SVOP: variants seen among roughly 807,000 people sequenced by gnomAD.
SVOP encodes the protein synaptic vesicle 2-related protein.
In SVOP, 17 loss-of-function variants were observed where a neutral mutation model predicts 69.1. That is an observed-to-expected ratio of 0.25 (90% CI 0.17 to 0.37). The LOEUF is 0.37. Among genes scored for constraint, SVOP ranks in the 10% least tolerant of loss-of-function variants. The probability of loss-of-function intolerance (pLI) is 1.00; values close to 1 mark genes in which losing one functional copy is unlikely to be tolerated. For missense variants in SVOP, 435 were observed against 597.5 expected (o/e 0.73, Z 2.84); for synonymous variants, 238 against 238.6 (o/e 1.00, Z 0.02).
At chr12:108,971,384 G>A (rs1438557081) in intron 5 of SVOP, among the ~76,000 whole-genome samples, 13 of 151,070 alleles carry the variant, frequency 8.6e-5, no homozygotes, top group Admixed American at 5.3e-4. Context: ...AGCCAAGATC[G>A]TGCGATTGCA....
At chr12:108,927,833 T>C (rs1161978149) in intron 11 of SVOP, among the ~76,000 whole-genome samples, 1 of 151,926 alleles carries the variant, frequency 6.6e-6, no homozygotes, top group Non-Finnish European at 1.5e-5. Context: ...TGAGCTCAAG[T>C]GATTCACCTG....
intron 11 of SVOP, among the ~76,000 whole-genome samples, chr12:108,931,279 C>T (rs187501097): frequency 2.0e-5 from 3 of 152,182 alleles, no homozygotes; most frequent in South Asian, 2.1e-4. Context: ...GGGCAAACCC[C>T]GAACACAAGC....
intron 2 of SVOP, among the ~76,000 whole-genome samples, chr12:108,983,185 TATC>T (rs2040150973): frequency 6.6e-6 from 1 of 151,052 alleles, no homozygotes; most frequent in Non-Finnish European, 1.5e-5. Flanking sequence ...TTGCCATCTT[TATC>T]ATCACAGTCT....
rs151103565 is a variant in SVOP, at chr12:108,968,225, C to A, written c.453+4180G>T. 6.9e-3 allele frequency among the ~76,000 whole-genome samples: 1,050 copies of A among 152,318 alleles called. 11 individuals are homozygous for A. The highest frequency in any genetic ancestry group is 9.9e-3 in the Non-Finnish European group (673 of 68,022). The stretch of plus-strand genomic sequence containing the variant: ...ACTCAAGAAGTATTTATTGAGTGTG[C>A]ACTCTCAACCAGGGAGGTCAGGCTC... On this transcript the variant is annotated intron_variant, in intron 5 of 15. Coordinates refer to ENST00000610966, the MANE Select transcript of SVOP (RefSeq NM_018711.5).
At chr12:108,983,080 C>T (rs1376213045) in intron 2 of SVOP, among the ~76,000 whole-genome samples, 1 of 149,440 alleles carries the variant, frequency 6.7e-6, no homozygotes, top group Non-Finnish European at 1.5e-5. Flanking sequence ...TCACCATCAT[C>T]ATGATCACCA....
intron 6 of SVOP, among the ~76,000 whole-genome samples, chr12:108,945,683 G>A (rs2039918370): frequency 1.3e-5 from 2 of 152,164 alleles, no homozygotes; most frequent in South Asian, 2.1e-4. Context: ...CACCATGCCC[G>A]GCCTCACCTG....
intron 6 of SVOP, among the ~76,000 whole-genome samples, chr12:108,957,828 G>C (rs1405196736): frequency 2.0e-5 from 3 of 152,258 alleles, no homozygotes; most frequent in Admixed American, 1.3e-4. Flanking sequence ...AATTTAGAAT[G>C]GGAAGCAGAG....
intron 1 of SVOP, among the ~76,000 whole-genome samples, chr12:109,006,282 A>G (rs1321213078): frequency 1.3e-5 from 2 of 152,060 alleles, no homozygotes; most frequent in Non-Finnish European, 2.9e-5. Context: ...CAAACTCCTG[A>G]CCTCAGATGA....
intron 2 of SVOP, among the ~76,000 whole-genome samples, chr12:108,980,902 G>A (rs2040132170): frequency 2.0e-5 from 3 of 152,202 alleles, no homozygotes; most frequent in African/African-American, 7.2e-5. Flanking sequence ...TCCAGCCTGG[G>A]TGACAGAGTG....
rs1335168612 is a variant in SVOP, at chr12:108,980,685, G to A, written c.197-2022C>T. Among the ~76,000 whole-genome samples, 2 of 123,552 alleles carry A rather than the reference G, an allele frequency of 1.6e-5. 1 individual carries two copies. Among genetic ancestry groups the A allele is most frequent in the Non-Finnish European group, 3.4e-5 (2 of 59,516 alleles). 81.1% of individuals were successfully genotyped at this position (123,552 alleles called of 152,430 possible). On this transcript the variant is annotated intron_variant, in intron 2 of 15. Coordinates refer to ENST00000610966, the MANE Select transcript of SVOP (RefSeq NM_018711.5). ...GAATGGCGTGAACCCGGGAAGCGGA[G>A]CTTGCAGTGAGCCGAGATTGCGCCA...
chr12:108,968,744 TTGTG>T (rs554473073), intron 5 of SVOP, among the ~76,000 whole-genome samples: 120 of 149,764 alleles, frequency 8.0e-4, no homozygotes, highest in African/African-American at 2.7e-3. Flanking sequence ...TGTTTGTCTT[TTGTG>T]TGTGTGTGTG....
chr12:108,976,024 T>C (rs150730004), intron 4 of SVOP, among the ~76,000 whole-genome samples: 101,444 of 151,500 alleles, frequency 0.67, 34,442 homozygotes, highest in East Asian at 0.79. Flanking sequence ...TAGGAGACAT[T>C]GGTAAGAAGG....
intron 11 of SVOP, 79 bp downstream of exon 11, chr12:108,934,116 G>T: frequency 1.6e-6 from 2 of 1,256,360 alleles, no homozygotes; most frequent in South Asian, 2.7e-5. Context: ...GCAGAGCCTG[G>T]GGTGGGAGTG....
At chr12:108,954,862 C>A (rs2039976668) in intron 6 of SVOP, among the ~76,000 whole-genome samples, 1 of 152,088 alleles carries the variant, frequency 6.6e-6, no homozygotes, top group Admixed American at 6.6e-5. Context: ...AGACCCCGAT[C>A]TCTACCAAAA....
chr12:108,915,708 C>T (rs2039709284), intron 15 of SVOP, 75 bp downstream of exon 15: 18 of 1,439,612 alleles, frequency 1.3e-5, no homozygotes, highest in African/African-American at 7.1e-5. Flanking sequence ...TGGGGACAGT[C>T]GGCATGTAGT....
chr12:108,991,453 G>A (rs1163520779), intron 1 of SVOP, among the ~76,000 whole-genome samples: 3 of 150,756 alleles, frequency 2.0e-5, no homozygotes, highest in African/African-American at 4.9e-5. Context: ...TTGTTTGTTT[G>A]TTTGTTTGTT....
chr12:108,927,481 T>C (rs1377402011), intron 11 of SVOP, among the ~76,000 whole-genome samples: 1 of 152,218 alleles, frequency 6.6e-6, no homozygotes, highest in Non-Finnish European at 1.5e-5. Context: ...TTTCTCATCA[T>C]GCTATTGTCT....
At chr12:109,017,216 G>T (rs114823046) in intron 1 of SVOP, among the ~76,000 whole-genome samples, 1 of 152,010 alleles carries the variant, frequency 6.6e-6, no homozygotes, top group African/African-American at 2.4e-5. Flanking sequence ...AATCAGCAGC[G>T]GCATTAGATT....
At chr12:109,009,182 G>A (rs970077933) in intron 1 of SVOP, among the ~76,000 whole-genome samples, 1 of 151,572 alleles carries the variant, frequency 6.6e-6, no homozygotes, top group Admixed American at 6.6e-5. Context: ...GGCTGGTCTC[G>A]AACTCCTGAC....
Sources: allele counts gnomAD v4.1 joint callset (sites outside exome capture counted in the v4.1 genomes callset), GRCh38; gene constraint gnomAD v4.1.1; transcripts MANE v1.5; gene names NCBI Gene and HGNC (gene_info 2026-07-23, HGNC 2026-07-21).